SCAMP1: variants seen among roughly 807,000 people sequenced by gnomAD.
The protein encoded by SCAMP1 is secretory carrier-associated membrane protein 1.
A neutral mutation model predicts 41.8 loss-of-function variants in SCAMP1; 15 were observed. That is an observed-to-expected ratio of 0.36 (90% CI 0.24 to 0.55). SCAMP1 has a LOEUF of 0.55. SCAMP1 is among the 20% of genes least tolerant of loss of function. The probability of loss-of-function intolerance (pLI) is 0.86; values close to 1 mark genes in which losing one functional copy is unlikely to be tolerated. For missense variants in SCAMP1, 341 were observed against 412.6 expected (o/e 0.83, Z 1.50); for synonymous variants, 135 against 136.8 (o/e 0.99, Z 0.09).
At chr5:78,397,046 A>T (rs1486692602) in intron 2 of SCAMP1, among the ~76,000 whole-genome samples, 1 of 152,122 alleles carries the variant, frequency 6.6e-6, no homozygotes, top group East Asian at 1.9e-4. Context: ...AGGGAAGAGG[A>T]TGAGAGAAAT....
intron 1 of SCAMP1, among the ~76,000 whole-genome samples, chr5:78,387,286 T>A (rs960900810): frequency 4.6e-5 from 7 of 152,024 alleles, no homozygotes; most frequent in Non-Finnish European, 8.8e-5. Context: ...TCTAAGTGTG[T>A]CCTTGGTTTC....
At chr5:78,402,890 T>C (rs998848964) in intron 2 of SCAMP1, among the ~76,000 whole-genome samples, 6 of 152,170 alleles carry the variant, frequency 3.9e-5, no homozygotes, top group African/African-American at 1.2e-4. Context: ...TTGTTTTATT[T>C]TGAGACTGTT....
At chr5:78,431,179 T>A (rs6453389) in intron 6 of SCAMP1, among the ~76,000 whole-genome samples, 1 of 151,752 alleles carries the variant, frequency 6.6e-6, no homozygotes, top group Non-Finnish European at 1.5e-5. Flanking sequence ...TTTAAAACTC[T>A]AAAATTAACA....
Position 78,431,278 on chromosome 5 carries a change from C to CTTT in SCAMP1, c.632+9330_632+9332dup, listed in dbSNP as rs771462979. 2.8e-3 allele frequency among the ~76,000 whole-genome samples: 399 copies of CTTT among 140,040 alleles called. 2 individuals are homozygous for CTTT. The highest frequency in any genetic ancestry group is 8.0e-3 in the African/African-American group (309 of 38,650). The allele number at this position is 140,040 out of a possible 152,430, so 91.9% of individuals were successfully genotyped here. On this transcript the variant is annotated intron_variant, in intron 6 of 8. Transcript: ENST00000621999. ...TCAAAATATTCAAAATGCTTTTGTA[C>CTTT]TTTTTTTTTTTTTTAGCATTTTGTA...
intron 2 of SCAMP1, among the ~76,000 whole-genome samples, chr5:78,414,692 C>T (rs1050284895): frequency 2.0e-5 from 3 of 152,176 alleles, no homozygotes; most frequent in Non-Finnish European, 2.9e-5. Context: ...CATTGATGGA[C>T]TTGTAGATGT....
At chr5:78,420,874 A>G (rs572307576) in intron 5 of SCAMP1, among the ~76,000 whole-genome samples, 2 of 152,342 alleles carry the variant, frequency 1.3e-5, no homozygotes, top group Non-Finnish European at 2.9e-5. Context: ...AACTAGATCC[A>G]ATAGGTTTTC....
chr5:78,366,516 C>G (rs1379150832), intron 1 of SCAMP1, among the ~76,000 whole-genome samples: 1 of 152,158 alleles, frequency 6.6e-6, no homozygotes, highest in East Asian at 1.9e-4. Flanking sequence ...AGTCACCTCA[C>G]AAAGTCTTCA....
Position 78,454,908 on chromosome 5 carries a change from T to A in SCAMP1, c.735-4337T>A, listed in dbSNP as rs1414619067. On this transcript the variant is annotated intron_variant, in intron 7 of 8. Coordinates refer to ENST00000621999, the MANE Select transcript of SCAMP1 (RefSeq NM_004866.6). ...GATTCAACTTCTTCCTGGTTTAGTCTTGGGAGAGTGTATGTGTCGAGGAAT... is the reference window on the plus strand; with the variant it reads ...GATTCAACTTCTTCCTGGTTTAGTCATGGGAGAGTGTATGTGTCGAGGAAT... Among the ~76,000 whole-genome samples, 4 of 152,268 alleles carry A rather than the reference T, an allele frequency of 2.6e-5. No individual in the cohort carries two copies. In the East Asian group the frequency reaches 7.7e-4, roughly 29 times the overall value.
At position 78,480,429 on chromosome 5, in the gene SCAMP1, C is replaced by A. The variant is rs1261612915; in HGVS notation, c.*4761C>A. On this transcript the variant is annotated 3_prime_UTR_variant, in exon 9 of 9. Transcript: ENST00000621999. ...ATGTAATTCTAGAATTCCTCCACAA[C>A]TTTTAATATTTTGTATGCCAGTGAT... is the stretch of plus-strand genomic sequence containing the variant. Among the ~76,000 whole-genome samples the A allele has an allele frequency of 6.6e-6, 1 of 152,190 alleles. No individual in the cohort carries two copies. The highest frequency in any genetic ancestry group is 1.5e-5 in the Non-Finnish European group (1 of 68,034).
chr5:78,360,769 CGTT>C (rs1561245030), intron 1 of SCAMP1, 41 bp downstream of exon 1: 8 of 1,572,166 alleles, frequency 5.1e-6, no homozygotes, highest in African/African-American at 1.4e-5. Flanking sequence ...CGCGACGCGT[CGTT>C]GTTTGTGAAA....
At chr5:78,463,729 G>A (rs1753671858) in intron 8 of SCAMP1, among the ~76,000 whole-genome samples, 1 of 152,166 alleles carries the variant, frequency 6.6e-6, no homozygotes, top group African/African-American at 2.4e-5. Flanking sequence ...TGGGTGGGGT[G>A]GGGAGTGAGG....
chr5:78,408,466 C>G (rs1269857477), intron 2 of SCAMP1, among the ~76,000 whole-genome samples: 2 of 152,176 alleles, frequency 1.3e-5, no homozygotes, highest in South Asian at 2.1e-4. Context: ...TGTTCCTCTA[C>G]TTTTGCCAAA....
intron 2 of SCAMP1, among the ~76,000 whole-genome samples, chr5:78,414,532 C>A (rs752205591): frequency 6.6e-6 from 1 of 152,060 alleles, no homozygotes; most frequent in Non-Finnish European, 1.5e-5. Context: ...CCACTTGCCT[C>A]GGCCTCCCAA....
intron 7 of SCAMP1, among the ~76,000 whole-genome samples, chr5:78,452,764 C>G (rs62364300): frequency 0.43 from 60,713 of 141,308 alleles, 13,028 homozygotes; most frequent in Non-Finnish European, 0.49. Flanking sequence ...AATCGCCACA[C>G]TGACTTCCAC....
chr5:78,412,020 TGTTTA>T (rs1014537256), intron 2 of SCAMP1, among the ~76,000 whole-genome samples: 9 of 152,234 alleles, frequency 5.9e-5, no homozygotes, highest in Admixed American at 2.0e-4. Flanking sequence ...ATTTTTTGTA[TGTTTA>T]TTTTTCTTTT....
At chr5:78,469,913 C>CAAAAAAAAAAA (rs1561290939) in intron 8 of SCAMP1, among the ~76,000 whole-genome samples, 51 of 23,112 alleles carry the variant, frequency 2.2e-3, no homozygotes, top group Non-Finnish European at 2.8e-3. Context: ...AAAAAAAAAA[C>CAAAAAAAAAAA]AAAAAAAAAA....
At chr5:78,388,320 C>T (rs1393691315) in intron 1 of SCAMP1, among the ~76,000 whole-genome samples, 1 of 152,158 alleles carries the variant, frequency 6.6e-6, no homozygotes, top group Non-Finnish European at 1.5e-5. Context: ...GGAAGACAGT[C>T]TATGATCATG....
chr5:78,448,112 G>GCTA lies in SCAMP1; in HGVS notation c.633-1812_633-1810dup, dbSNP rs552543426. On this transcript the variant is annotated intron_variant, in intron 6 of 8. Transcript: ENST00000621999. ...TCCCCCTTCCCCCTACTCCACTACT[G>GCTA]CTACTACTACTTCTTCCTCTTCTTC... is the stretch of plus-strand genomic sequence containing the variant. Among the ~76,000 whole-genome samples the GCTA allele has an allele frequency of 2.9e-4, 4 of 13,762 alleles. No homozygotes were observed. In the South Asian group the frequency reaches 0.013, roughly 45 times the overall value. The allele number at this position is 13,762 out of a possible 152,430, so 9.0% of individuals were successfully genotyped here.
intron 2 of SCAMP1, among the ~76,000 whole-genome samples, chr5:78,398,476 C>A (rs1751712221): frequency 6.7e-6 from 1 of 148,768 alleles, no homozygotes; most frequent in Non-Finnish European, 1.5e-5. Context: ...GCAATCTTCC[C>A]ACCTTGGCCT....
Sources: allele counts gnomAD v4.1 joint callset (sites outside exome capture counted in the v4.1 genomes callset), GRCh38; gene constraint gnomAD v4.1.1; transcripts MANE v1.5; gene names NCBI Gene and HGNC (gene_info 2026-07-23, HGNC 2026-07-21).